TMEM87A: variants seen among roughly 807,000 people sequenced by gnomAD.
TMEM87A encodes the protein transmembrane protein 87A, also known as Golgi-pH regulating cation channel.
TMEM87A carries 50 observed loss-of-function variants against 90.0 expected under a neutral mutation model. That is an observed-to-expected ratio of 0.56 (90% CI 0.44 to 0.70). The LOEUF is 0.70. Ranked by LOEUF, TMEM87A falls within the 30% of genes least tolerant of loss-of-function variation. The probability of loss-of-function intolerance (pLI) is 0.00; values close to 1 mark genes in which losing one functional copy is unlikely to be tolerated. For synonymous variants in TMEM87A, 226 were observed against 226.7 expected, an observed-to-expected ratio of 1.00 and a Z score of 0.03; for missense variants, 577 against 660.5, an observed-to-expected ratio of 0.87 and a Z score of 1.39.
intron 6 of TMEM87A, among the ~76,000 whole-genome samples, chr15:42,259,168 G>C (rs2051239416): frequency 6.6e-6 from 1 of 152,174 alleles, no homozygotes; most frequent in South Asian, 2.1e-4. Context: ...TGTTGCCTAG[G>C]CTGGAGTGCA....
At chr15:42,265,692 C>G (rs1229897819) in intron 3 of TMEM87A, among the ~76,000 whole-genome samples, 2 of 152,126 alleles carry the variant, frequency 1.3e-5, no homozygotes, top group African/African-American at 2.4e-5. Context: ...TGCAGAAGCT[C>G]TTAAACTTAA....
At chr15:42,252,297 T>G (rs1224740165) in intron 6 of TMEM87A, among the ~76,000 whole-genome samples, 1 of 152,164 alleles carries the variant, frequency 6.6e-6, no homozygotes, top group African/African-American at 2.4e-5. Flanking sequence ...GGTACCTCAG[T>G]TGGAAATGCA....
intron 6 of TMEM87A, 29 bp downstream of exon 6, chr15:42,260,929 C>T (rs1322509624): frequency 1.2e-6 from 2 of 1,602,002 alleles, no homozygotes; most frequent in African/African-American, 2.7e-5. Context: ...AATATGTGTT[C>T]AATGCCCCAA....
rs1192122477 is a variant in TMEM87A, at chr15:42,263,947, GCTGA to G, written c.405+139_405+142del. 4.9e-6 allele frequency: 3 copies of G among 607,016 alleles called. No homozygotes were observed. In the African/African-American group the frequency reaches 5.6e-5, roughly 11 times the overall value. 37.6% of individuals were successfully genotyped at this position (607,016 alleles called of 1,614,324 possible). On this transcript the variant is annotated intron_variant, in intron 4 of 19. Coordinates refer to ENST00000389834, the MANE Select transcript of TMEM87A (RefSeq NM_015497.5). ...TCTCTTTGATGAGTATGTATAAGTG[GCTGA>G]CTATGTACCTATCAGAACATGCTTC...
At chr15:42,270,413 A>C (rs977130984) in intron 2 of TMEM87A, among the ~76,000 whole-genome samples, 3 of 151,848 alleles carry the variant, frequency 2.0e-5, no homozygotes, top group African/African-American at 7.3e-5. Flanking sequence ...TCCTCCAAAA[A>C]CAATGAAATA....
chr15:42,248,267 ACTTT>A (rs1196742284), intron 6 of TMEM87A, among the ~76,000 whole-genome samples: 5 of 152,058 alleles, frequency 3.3e-5, no homozygotes, highest in Non-Finnish European at 7.4e-5. Flanking sequence ...AATTGAATAC[ACTTT>A]CTTTCTTTCT....
At chr15:42,268,396 G>A (rs534403464) in intron 2 of TMEM87A, among the ~76,000 whole-genome samples, 3 of 152,270 alleles carry the variant, frequency 2.0e-5, no homozygotes, top group East Asian at 3.9e-4. Context: ...GGCTAGGTGC[G>A]GTAGCTCACA....
At chr15:42,216,994 C>G (rs1015690549) in intron 19 of TMEM87A, among the ~76,000 whole-genome samples, 1 of 145,790 alleles carries the variant, frequency 6.9e-6, no homozygotes, top group Non-Finnish European at 1.5e-5. Context: ...GGGTCTCACT[C>G]TTTTGCCCAG....
chr15:42,222,059 GT>G (rs950487298), intron 15 of TMEM87A, among the ~76,000 whole-genome samples: 8 of 151,746 alleles, frequency 5.3e-5, no homozygotes, highest in African/African-American at 9.7e-5. Context: ...CTGGCCAAAT[GT>G]TTTTTTGGTT....
chr15:42,253,364 T>C (rs1410139341), intron 6 of TMEM87A, among the ~76,000 whole-genome samples: 3 of 152,168 alleles, frequency 2.0e-5, no homozygotes, highest in African/African-American at 7.2e-5. Context: ...ACCCTTTCCT[T>C]CTCATGCTTG....
intron 3 of TMEM87A, among the ~76,000 whole-genome samples, chr15:42,264,699 A>ATATATATATATATATATTT (rs10681614): frequency 7.2e-4 from 79 of 109,420 alleles, no homozygotes; most frequent in African/African-American, 2.3e-3. Context: ...ATATATATAT[A>ATATATATATATATATATTT]TTTTTTTTTT....
intron 1 of TMEM87A, 76 bp from the exon 2 acceptor site, chr15:42,272,199 C>T: frequency 9.4e-7 from 1 of 1,064,242 alleles, no homozygotes; most frequent in Admixed American, 2.4e-5. Flanking sequence ...TCTAAGACTG[C>T]TAGAAATTCC....
At chr15:42,246,071 C>G (rs1483847301) in intron 6 of TMEM87A, among the ~76,000 whole-genome samples, 1 of 152,222 alleles carries the variant, frequency 6.6e-6, no homozygotes, top group African/African-American at 2.4e-5. Flanking sequence ...CTTCCTCTGT[C>G]ACCACTTGCA....
At chr15:42,231,989 T>C (rs1490415550) in intron 11 of TMEM87A, 2 of 798,800 alleles carry the variant, frequency 2.5e-6, no homozygotes, top group South Asian at 1.8e-5. Context: ...GAGAATTACA[T>C]ACAGAGGACA....
At chr15:42,263,474 G>A (rs1477483941) in intron 4 of TMEM87A, among the ~76,000 whole-genome samples, 1 of 152,206 alleles carries the variant, frequency 6.6e-6, no homozygotes, top group African/African-American at 2.4e-5. Context: ...GCTCAGCCCG[G>A]TGGCTCACAC....
intron 6 of TMEM87A, chr15:42,258,677 T>A: frequency 8.7e-7 from 1 of 1,155,628 alleles, no homozygotes; most frequent in Non-Finnish European, 1.1e-6. Flanking sequence ...TCTGCCCACC[T>A]TGGCCTCCCA....
chr15:42,221,531 A>G (rs2140918769), intron 15 of TMEM87A, among the ~76,000 whole-genome samples: 1 of 152,226 alleles, frequency 6.6e-6, no homozygotes, highest in African/African-American at 2.4e-5. Context: ...GTTCCAATCA[A>G]AATCTTAATA....
chr15:42,250,678 CT>C (rs2051068811), intron 6 of TMEM87A, among the ~76,000 whole-genome samples: 1 of 152,050 alleles, frequency 6.6e-6, no homozygotes, highest in Non-Finnish European at 1.5e-5. Context: ...CATTTTTTTC[CT>C]TCATTTCAAC....
intron 10 of TMEM87A, among the ~76,000 whole-genome samples, chr15:42,236,093 C>T (rs1398273739): frequency 6.6e-6 from 1 of 151,990 alleles, no homozygotes; most frequent in East Asian, 1.9e-4. Flanking sequence ...TACATTTGGA[C>T]TTGGAAGTAT....
Sources: allele counts gnomAD v4.1 joint callset (sites outside exome capture counted in the v4.1 genomes callset), GRCh38; gene constraint gnomAD v4.1.1; transcripts MANE v1.5; gene names NCBI Gene and HGNC (gene_info 2026-07-23, HGNC 2026-07-21).